Variants in CYP51A1 observed in about 807,000 individuals in gnomAD.
The protein encoded by CYP51A1 is cytochrome P450 family 51 subfamily A member 1, also known as lanosterol 14-alpha demethylase.
A neutral mutation model predicts 53.5 loss-of-function variants in CYP51A1; 45 were observed. The observed-to-expected ratio is 0.84, with a 90% CI of 0.66 to 1.08. The LOEUF is 1.08. Ranked by LOEUF, CYP51A1 falls within the 50% of genes least tolerant of loss-of-function variation. The pLI is 0.00. For synonymous variants in CYP51A1, 181 were observed against 217.7 expected (o/e 0.83, Z 1.48); for missense variants, 462 against 621.7 (o/e 0.74, Z 2.73).
intron 9 of CYP51A1, among the ~76,000 whole-genome samples, chr7:92,115,694 T>C (rs1182410042): frequency 6.6e-6 from 1 of 152,172 alleles, no homozygotes; most frequent in Non-Finnish European, 1.5e-5. Flanking sequence ...GGAGGAGACA[T>C]TATATCTGTA....
Position 92,113,648 on chromosome 7 carries a change from G to A in CYP51A1, c.*17C>T, listed in dbSNP as rs376536889. 95 of 1,609,066 alleles carry A rather than the reference G, an allele frequency of 5.9e-5. No homozygotes were observed. The highest frequency in any genetic ancestry group is 1.5e-4 in the African/African-American group (11 of 74,618). On this transcript the variant is annotated 3_prime_UTR_variant, in exon 10 of 10. Transcript: ENST00000003100. ...CTTACAGTGATAATCACATATATTC[G>A]TTCCTTGCAACCTTTTTCATTTTGA...
At chr7:92,117,000 G>T in intron 9 of CYP51A1, 44 bp downstream of exon 9, 1 of 1,528,322 alleles carries the variant, frequency 6.5e-7, no homozygotes, top group Non-Finnish European at 8.9e-7. Context: ...AGACAAATAT[G>T]TTATCAGAAC....
At chr7:92,119,140 T>A (rs1406326828) in intron 7 of CYP51A1, among the ~76,000 whole-genome samples, 1 of 152,150 alleles carries the variant, frequency 6.6e-6, no homozygotes, top group Non-Finnish European at 1.5e-5. Flanking sequence ...CCAAAAATAT[T>A]TAGCAAAAAT....
rs1221787979 is a variant in CYP51A1, at chr7:92,123,597, A to T, written c.890+137T>A. The T allele has an allele frequency of 3.5e-6, 3 of 845,404 alleles. No individual in the cohort carries two copies. The African/African-American group carries it at 5.2e-5, about 15-fold the overall frequency. 52.4% of individuals were successfully genotyped at this position (845,404 alleles called of 1,614,324 possible). On this transcript the variant is annotated intron_variant, in intron 6 of 9. Coordinates refer to ENST00000003100, the MANE Select transcript of CYP51A1 (RefSeq NM_000786.4). The stretch of plus-strand genomic sequence containing the variant: ...GGATGCCAATAGTTTATGTCTCAAC[A>T]ATTTAAAGAGTCCAAAGATCACAGC...
intron 2 of CYP51A1, among the ~76,000 whole-genome samples, chr7:92,130,322 C>T (rs1321079344): frequency 6.6e-6 from 1 of 152,160 alleles, no homozygotes; most frequent in Non-Finnish European, 1.5e-5. Context: ...CTTCACAGAG[C>T]TGCTGCCAAA....
In CYP51A1 at chr7:92,112,962, T is replaced by TTTAC. The variant is rs903693290; in HGVS notation, c.*702_*703insGTAA. 6.6e-6 allele frequency: 1 copy of TTTAC among 152,108 alleles called. No homozygotes were observed. Among genetic ancestry groups the TTTAC allele is most frequent in the African/African-American group, 2.4e-5 (1 of 41,412 alleles). 9.4% of individuals were successfully genotyped at this position (152,108 alleles called of 1,614,324 possible). ...TACATATTTATCAGGTAAATAAATA[T>TTTAC]GTAATTATTTAGTAATTAGATCAAG... On this transcript the variant is annotated 3_prime_UTR_variant, in exon 10 of 10. Coordinates refer to ENST00000003100, the MANE Select transcript of CYP51A1 (RefSeq NM_000786.4).
rs1353067255 is a variant in CYP51A1, at chr7:92,112,934, A to G, written c.*731T>C. 1.3e-5 allele frequency: 2 copies of G among 152,118 alleles called. No homozygotes were observed. The highest frequency in any genetic ancestry group is 2.4e-5 in the African/African-American group (1 of 41,428). The allele number at this position is 152,118 out of a possible 1,614,324, so 9.4% of individuals were successfully genotyped here. On this transcript the variant is annotated 3_prime_UTR_variant, in exon 10 of 10. Transcript: ENST00000003100. ...CACATAAATGTGACCTTGTAGAACT[A>G]GATACATATTTATCAGGTAAATAAA...
chr7:92,117,238 T>G (rs577267157), intron 8 of CYP51A1, 26 bp from the exon 9 acceptor site: 3 of 1,591,584 alleles, frequency 1.9e-6, no homozygotes, highest in Non-Finnish European at 2.6e-6. Context: ...ACACATTTCA[T>G]TAGAGAATTT....
chr7:92,129,513 G>A (rs1250085245), intron 2 of CYP51A1, among the ~76,000 whole-genome samples: 1 of 152,164 alleles, frequency 6.6e-6, no homozygotes, highest in Non-Finnish European at 1.5e-5. Context: ...TACCTGCTAT[G>A]TGAAGACACT....
chr7:92,134,655 A>C (rs773678925), upstream of CYP51A1: 8 of 391,718 alleles, frequency 2.0e-5, no homozygotes, highest in Non-Finnish European at 3.7e-5. Flanking sequence ...CGGGGCCGGA[A>C]GATAACTTAC....
At chr7:92,129,931 T>A (rs1395523829) in intron 2 of CYP51A1, among the ~76,000 whole-genome samples, 1 of 150,706 alleles carries the variant, frequency 6.6e-6, no homozygotes, top group Non-Finnish European at 1.5e-5. Flanking sequence ...AAGGAGGAGA[T>A]GAGAGTTGAG....
Position 92,113,581 on chromosome 7 carries a change from G to C in CYP51A1, c.*84C>G. ...CACTTAAAAAAACAGTAAACTACAA[G>C]AGTTGTTTTGTACACTTCATTCTCT... On this transcript the variant is annotated 3_prime_UTR_variant, in exon 10 of 10. Coordinates refer to ENST00000003100, the MANE Select transcript of CYP51A1 (RefSeq NM_000786.4). 7.9e-7 allele frequency: 1 copy of C among 1,271,084 alleles called. No homozygotes were observed. The highest frequency in any genetic ancestry group is 1.1e-6 in the Non-Finnish European group (1 of 901,004). The allele number at this position is 1,271,084 out of a possible 1,614,324, so 78.7% of individuals were successfully genotyped here.
At chr7:92,130,110 G>A (rs1819886870) in intron 2 of CYP51A1, among the ~76,000 whole-genome samples, 1 of 152,192 alleles carries the variant, frequency 6.6e-6, no homozygotes, top group Non-Finnish European at 1.5e-5. Context: ...AAAGAGGGAT[G>A]GAGAGTTCAG....
intron 8 of CYP51A1, 69 bp downstream of exon 8, chr7:92,118,451 C>T: frequency 1.1e-6 from 1 of 882,564 alleles, no homozygotes; most frequent in East Asian, 2.4e-5. Context: ...TGAACCACCA[C>T]ACCCACCTAT....
intron 8 of CYP51A1, among the ~76,000 whole-genome samples, chr7:92,117,709 G>A (rs548113994): frequency 6.6e-6 from 1 of 152,236 alleles, no homozygotes; most frequent in South Asian, 2.1e-4. Flanking sequence ...TAGCATGTAG[G>A]CCGGGCGCGG....
intron 9 of CYP51A1, among the ~76,000 whole-genome samples, chr7:92,115,942 G>C (rs1240237265): frequency 3.3e-5 from 5 of 152,182 alleles, no homozygotes; most frequent in African/African-American, 4.8e-5. Flanking sequence ...GGCAGAATTT[G>C]GGCTACAGAA....
At position 92,118,710 on chromosome 7, in the gene CYP51A1, C is replaced by A; in HGVS notation, c.1087-95G>T. The A allele has an allele frequency of 8.3e-6, 6 of 721,230 alleles. No homozygotes were observed. In the Middle Eastern group the frequency reaches 7.2e-4, roughly 86 times the overall value. 44.7% of individuals were successfully genotyped at this position (721,230 alleles called of 1,614,324 possible). A position where few individuals can be genotyped will look rare whatever the true frequency, so the allele number is the denominator to read the frequency against. On this transcript the variant is annotated intron_variant, in intron 7 of 9. Coordinates refer to ENST00000003100, the MANE Select transcript of CYP51A1 (RefSeq NM_000786.4). ...TTCTTAGTTAGTACAAGACAGCTTG[C>A]ATTCCAGCTAAAAGTACAGAGGTAA...
At position 92,129,058 on chromosome 7, in the gene CYP51A1, T is replaced by G; in HGVS notation, c.292-2A>C. The G allele has an allele frequency of 6.2e-7, 1 of 1,602,058 alleles. No individual in the cohort carries two copies. The highest frequency in any genetic ancestry group is 1.1e-5 in the South Asian group (1 of 89,264). On this transcript the variant is annotated splice_acceptor_variant, in intron 2 of 9. Transcript: ENST00000003100. LOFTEE classifies it high-confidence loss of function. The stretch of plus-strand genomic sequence containing the variant: ...GGTAAAACTAAATACAGGTCCATAC[T>G]AAAAAGAGAAAAGTACATATAGTGA...
At chr7:92,118,215 G>A (rs1338284183) in intron 8 of CYP51A1, among the ~76,000 whole-genome samples, 4 of 151,766 alleles carry the variant, frequency 2.6e-5, no homozygotes, top group African/African-American at 4.8e-5. Flanking sequence ...ATGCAGTGGC[G>A]TGATCATGGA....
Sources: allele counts gnomAD v4.1 joint callset (sites outside exome capture counted in the v4.1 genomes callset), GRCh38; gene constraint gnomAD v4.1.1; transcripts MANE v1.5; gene names NCBI Gene and HGNC (gene_info 2026-07-23, HGNC 2026-07-21).